Variants in KLF8 observed in about 807,000 individuals in gnomAD.
KLF8 encodes the protein KLF transcription factor 8, also known as Krueppel-like factor 8.
A neutral mutation model predicts 18.2 loss-of-function variants in KLF8; 10 were observed. That is an observed-to-expected ratio of 0.55 (90% CI 0.34 to 0.93). KLF8 has a LOEUF of 0.93. KLF8 is among the 40% of genes least tolerant of loss of function. The pLI is 0.02. For synonymous variants in KLF8, 109 were observed against 97.3 expected, an observed-to-expected ratio of 1.12 and a Z score of -0.71; for missense variants, 264 against 277.9, an observed-to-expected ratio of 0.95 and a Z score of 0.36.
the KLF8 span, among the ~76,000 whole-genome samples, chrX:56,204,063 T>C: frequency 2.7e-4 from 30 of 111,696 alleles, no homozygotes; most frequent in African/African-American, 8.7e-4. Context: ...GAACATGGAA[T>C]ATTTTTCCAA....
the KLF8 span, among the ~76,000 whole-genome samples, chrX:56,213,429 C>A: frequency 1.0e-5 from 1 of 97,022 alleles, no homozygotes; most frequent in South Asian, 5.8e-4. Flanking sequence ...TCAAGCAATT[C>A]TCCTGCCTCA....
At chrX:56,197,421 A>T in the KLF8 span, among the ~76,000 whole-genome samples, 1 of 112,112 alleles carries the variant, frequency 8.9e-6, no homozygotes, top group Non-Finnish European at 1.9e-5. Context: ...CATTGATCTC[A>T]CAGAAATACA....
At chrX:56,273,498 C>T (rs951847940) in intron 5 of KLF8, among the ~76,000 whole-genome samples, 7 of 109,227 alleles carry the variant, frequency 6.4e-5, no homozygotes, top group South Asian at 4.1e-4. Flanking sequence ...TCCTTCCCTG[C>T]CTCTGGTAAC....
chrX:56,109,465 T>C, the KLF8 span, among the ~76,000 whole-genome samples: 1 of 111,244 alleles, frequency 9.0e-6, no homozygotes, highest in Non-Finnish European at 1.9e-5. Flanking sequence ...ATATGTATTC[T>C]AATGTTGTTA....
At chrX:55,933,682 G>A in the KLF8 span, among the ~76,000 whole-genome samples, 2 of 111,871 alleles carry the variant, frequency 1.8e-5, no homozygotes, top group African/African-American at 6.5e-5. Context: ...CTTCACTAAT[G>A]AGTGTGTGCA....
the KLF8 span, among the ~76,000 whole-genome samples, chrX:56,212,549 A>G: frequency 9.0e-6 from 1 of 111,554 alleles, no homozygotes; most frequent in Admixed American, 9.5e-5. Context: ...CCTCCTGTGT[A>G]TGGGTGTCAG....
chrX:56,038,487 C>T, the KLF8 span, among the ~76,000 whole-genome samples: 1 of 112,120 alleles, frequency 8.9e-6, no homozygotes, highest in Non-Finnish European at 1.9e-5. Context: ...ACTTTTCCTG[C>T]ATTAGTTTGC....
At chrX:56,155,747 C>A in the KLF8 span, among the ~76,000 whole-genome samples, 2 of 111,324 alleles carry the variant, frequency 1.8e-5, no homozygotes, top group Non-Finnish European at 1.9e-5. Context: ...GTTTGGAATA[C>A]AAATCCCATC....
the KLF8 span, among the ~76,000 whole-genome samples, chrX:56,012,270 T>C: frequency 9.0e-6 from 1 of 111,699 alleles, no homozygotes; most frequent in Non-Finnish European, 1.9e-5. Flanking sequence ...CCCACCACAA[T>C]CAAGTTTGCT....
chrX:56,122,963 C>G, the KLF8 span, among the ~76,000 whole-genome samples: 1 of 110,460 alleles, frequency 9.1e-6, no homozygotes, highest in East Asian at 2.9e-4. Flanking sequence ...TTTGTTGACT[C>G]TCATACTCTG....
chrX:55,967,652 A>C, the KLF8 span, among the ~76,000 whole-genome samples: 2 of 111,945 alleles, frequency 1.8e-5, no homozygotes, highest in Admixed American at 1.9e-4. Context: ...ATTCATGAGC[A>C]TTAAGAAATA....
At chrX:56,089,277 G>T in the KLF8 span, among the ~76,000 whole-genome samples, 1 of 111,831 alleles carries the variant, frequency 8.9e-6, no homozygotes, top group African/African-American at 3.2e-5. Flanking sequence ...TATATACCAA[G>T]TAGTAAATGA....
At chrX:56,146,572 G>A in the KLF8 span, among the ~76,000 whole-genome samples, 1 of 110,525 alleles carries the variant, frequency 9.0e-6, no homozygotes, top group East Asian at 2.8e-4. Context: ...GGATGTGGGG[G>A]GATTAGGGGA....
the KLF8 span, among the ~76,000 whole-genome samples, chrX:56,099,688 A>G: frequency 2.4e-3 from 274 of 111,918 alleles, 1 homozygote; most frequent in African/African-American, 8.6e-3. Context: ...ATGGAGTTTT[A>G]TTGTCTGCAC....
chrX:55,942,791 C>T, the KLF8 span, among the ~76,000 whole-genome samples: 3 of 111,882 alleles, frequency 2.7e-5, no homozygotes, highest in African/African-American at 6.5e-5. Context: ...AGTGCAAAGG[C>T]CCTGAATTGA....
chrX:56,210,293 A>G, the KLF8 span, among the ~76,000 whole-genome samples: 1 of 111,816 alleles, frequency 8.9e-6, no homozygotes, highest in Non-Finnish European at 1.9e-5. Context: ...TGTCTGAAAG[A>G]TACTTTCACT....
chrX:55,930,462 G>T, the KLF8 span, among the ~76,000 whole-genome samples: 1 of 111,784 alleles, frequency 8.9e-6, no homozygotes, highest in Non-Finnish European at 1.9e-5. Flanking sequence ...GTCTTGTGCC[G>T]GTTTTCAAAG....
chrX:56,184,380 T>C, the KLF8 span, among the ~76,000 whole-genome samples: 1 of 112,422 alleles, frequency 8.9e-6, no homozygotes, highest in Admixed American at 9.4e-5. Context: ...AAGCTCGAAC[T>C]GGGTGGAGCC....
the KLF8 span, among the ~76,000 whole-genome samples, chrX:56,190,395 C>A: frequency 9.0e-6 from 1 of 111,543 alleles, no homozygotes; most frequent in Non-Finnish European, 1.9e-5. Flanking sequence ...GACTCCTGTA[C>A]CCCTTTTTCA....
Sources: allele counts gnomAD v4.1 joint callset (sites outside exome capture counted in the v4.1 genomes callset), GRCh38; gene constraint gnomAD v4.1.1; transcripts MANE v1.5; gene names NCBI Gene and HGNC (gene_info 2026-07-23, HGNC 2026-07-21).